SANBR: variants seen among roughly 807,000 people sequenced by gnomAD.
The protein encoded by SANBR is SANT and BTB domain regulator of CSR.
SANBR carries 77 observed loss-of-function variants against 101.8 expected under a neutral mutation model. The observed-to-expected ratio is 0.76, with a 90% CI of 0.63 to 0.91. The LOEUF (loss-of-function observed/expected upper bound fraction) is 0.91, where lower values mean the gene tolerates loss of function less well. Among genes scored for constraint, SANBR ranks in the 40% least tolerant of loss-of-function variants. The probability of loss-of-function intolerance (pLI) is 0.00; values close to 1 mark genes in which losing one functional copy is unlikely to be tolerated. For missense variants in SANBR, 875 were observed against 853.0 expected, an observed-to-expected ratio of 1.03 and a Z score of -0.32; for synonymous variants, 279 against 274.7, an observed-to-expected ratio of 1.02 and a Z score of -0.15.
intron 13 of SANBR, among the ~76,000 whole-genome samples, chr2:61,105,056 G>T (rs1207274409): frequency 1.3e-5 from 2 of 151,552 alleles, no homozygotes; most frequent in East Asian, 3.9e-4. Context: ...GCAGCAGGTT[G>T]TAAGGTTAGA....
intron 5 of SANBR, chr2:61,075,243 C>A (rs1681705428): frequency 6.6e-6 from 1 of 152,278 alleles, no homozygotes; most frequent in African/African-American, 2.4e-5. Context: ...ACTGATGTTT[C>A]TTTTTGAGGT....
chr2:61,102,094 C>G (rs778475046), intron 12 of SANBR, among the ~76,000 whole-genome samples: 3 of 151,956 alleles, frequency 2.0e-5, no homozygotes, highest in Non-Finnish European at 4.4e-5. Context: ...CATATCCCGA[C>G]TGGGCATGGT....
At chr2:61,109,385 TTA>T in intron 16 of SANBR, 89 bp downstream of exon 16, 1 of 667,560 alleles carries the variant, frequency 1.5e-6, no homozygotes, top group Non-Finnish European at 2.4e-6. Context: ...GGAATTGGTT[TTA>T]TATAGAGAGT....
chr2:61,120,663 T>C (rs565807736), intron 20 of SANBR, among the ~76,000 whole-genome samples: 1 of 152,274 alleles, frequency 6.6e-6, no homozygotes, highest in Admixed American at 6.5e-5. Context: ...AGGTCAGGGC[T>C]GCAGTAAGCC....
chr2:61,108,395 A>G, intron 15 of SANBR, 46 bp downstream of exon 15: 1 of 1,308,726 alleles, frequency 7.6e-7, no homozygotes, highest in Non-Finnish European at 1.1e-6. Flanking sequence ...CTTTCTTCCT[A>G]AATTAAAGTT....
At chr2:61,075,558 C>T (rs779736549) in intron 5 of SANBR, among the ~76,000 whole-genome samples, 19 of 152,162 alleles carry the variant, frequency 1.2e-4, no homozygotes, top group East Asian at 5.8e-4. Flanking sequence ...CTTGCCCAGC[C>T]GACGTAATTT....
At chr2:61,092,100 TC>T (rs908282017) in intron 10 of SANBR, among the ~76,000 whole-genome samples, 25 of 152,228 alleles carry the variant, frequency 1.6e-4, no homozygotes, top group Non-Finnish European at 2.5e-4. Context: ...AATTCCCAAC[TC>T]TTGGCCTGTT....
At chr2:61,101,583 A>G (rs1169701021) in intron 12 of SANBR, among the ~76,000 whole-genome samples, 2 of 151,998 alleles carry the variant, frequency 1.3e-5, no homozygotes, top group African/African-American at 4.8e-5. Flanking sequence ...AATACAAAAA[A>G]TTAGCCGGGC....
chr2:61,131,524 A>G (rs1333436975), intron 20 of SANBR, among the ~76,000 whole-genome samples: 3 of 152,218 alleles, frequency 2.0e-5, no homozygotes, highest in African/African-American at 7.2e-5. Flanking sequence ...AATATTGTTG[A>G]AAGAAATTAA....
intron 6 of SANBR, among the ~76,000 whole-genome samples, chr2:61,080,475 C>T (rs1004873786): frequency 5.9e-5 from 9 of 152,172 alleles, no homozygotes; most frequent in Non-Finnish European, 1.2e-4. Flanking sequence ...GTAATCCCAG[C>T]ACTTTGGGAG....
chr2:61,082,379 GTAAA>G (rs2104875564), intron 7 of SANBR, among the ~76,000 whole-genome samples: 1 of 152,244 alleles, frequency 6.6e-6, no homozygotes, highest in East Asian at 1.9e-4. Flanking sequence ...TACTTTTAAA[GTAAA>G]TAAACATACC....
At chr2:61,074,551 G>GGT (rs756173553) in intron 5 of SANBR, among the ~76,000 whole-genome samples, 5 of 152,266 alleles carry the variant, frequency 3.3e-5, no homozygotes, top group South Asian at 2.1e-4. Flanking sequence ...TGGGACTACA[G>GGT]GTGTGTGCCA....
In SANBR at chr2:61,104,134, T is replaced by C. The variant is rs921476541; in HGVS notation, c.1511+136T>C. 19 of 731,492 alleles carry C rather than the reference T, an allele frequency of 2.6e-5. No individual in the cohort carries two copies. The African/African-American group carries it at 3.4e-4, about 13-fold the overall frequency. 45.3% of individuals were successfully genotyped at this position (731,492 alleles called of 1,614,324 possible). On this transcript the variant is annotated intron_variant, in intron 13 of 21. Coordinates refer to ENST00000402291, the MANE Select transcript of SANBR (RefSeq NM_001129993.3). ...TTCAGAAAACTTAACTGAAATTATATGTTAGCTTACAGTAAGAGCAGACAG... is the reference window on the plus strand; with the variant it reads ...TTCAGAAAACTTAACTGAAATTATACGTTAGCTTACAGTAAGAGCAGACAG...
intron 20 of SANBR, among the ~76,000 whole-genome samples, chr2:61,119,124 A>T (rs1305443666): frequency 6.6e-6 from 1 of 152,170 alleles, no homozygotes; most frequent in Non-Finnish European, 1.5e-5. Flanking sequence ...CTAAAATAAG[A>T]TGTCATCTTG....
intron 21 of SANBR, among the ~76,000 whole-genome samples, chr2:61,135,794 G>A (rs574545858): frequency 3.3e-5 from 5 of 152,110 alleles, no homozygotes; most frequent in Non-Finnish European, 5.9e-5. Context: ...GCTAAAATAC[G>A]TAGGGAATTA....
At chr2:61,121,023 A>G (rs942404213) in intron 20 of SANBR, among the ~76,000 whole-genome samples, 162 bp from the exon 21 acceptor site, 1 of 152,200 alleles carries the variant, frequency 6.6e-6, no homozygotes, top group African/African-American at 2.4e-5. Context: ...ACACCTGTAC[A>G]CTAAAATGGT....
intron 1 of SANBR, among the ~76,000 whole-genome samples, chr2:61,067,019 T>G (rs1346258298): frequency 2.0e-5 from 3 of 152,204 alleles, no homozygotes; most frequent in Non-Finnish European, 2.9e-5. Flanking sequence ...TGTCACCGTT[T>G]TTGATAAATT....
chr2:61,131,672 G>A (rs766258387), intron 20 of SANBR, among the ~76,000 whole-genome samples: 10 of 152,160 alleles, frequency 6.6e-5, no homozygotes, highest in Non-Finnish European at 1.2e-4. Context: ...TCTCTTCCTT[G>A]TAGAAATTAA....
chr2:61,129,582 T>C (rs1206167077), intron 20 of SANBR, among the ~76,000 whole-genome samples: 2 of 152,186 alleles, frequency 1.3e-5, no homozygotes, highest in African/African-American at 4.8e-5. Context: ...AATATGTATA[T>C]AATTTTATTG....
Sources: allele counts gnomAD v4.1 joint callset (sites outside exome capture counted in the v4.1 genomes callset), GRCh38; gene constraint gnomAD v4.1.1; transcripts MANE v1.5; gene names NCBI Gene and HGNC (gene_info 2026-07-23, HGNC 2026-07-21).